The following CMTR1 variants were observed in gnomAD, a reference collection of about 807,000 sequenced individuals.
The protein encoded by CMTR1 is cap-specific mRNA (nucleoside-2'-O-)-methyltransferase 1.
A neutral mutation model predicts 107.0 loss-of-function variants in CMTR1; 39 were observed. That is an observed-to-expected ratio of 0.36 (90% confidence interval 0.28 to 0.48). The LOEUF (loss-of-function observed/expected upper bound fraction) is 0.48, where lower values mean the gene tolerates loss of function less well. Among genes scored for constraint, CMTR1 ranks in the 20% least tolerant of loss-of-function variants. The probability of loss-of-function intolerance (pLI) is 0.99; values close to 1 mark genes in which losing one functional copy is unlikely to be tolerated. For synonymous variants in CMTR1, 366 were observed against 379.5 expected, an observed-to-expected ratio of 0.96 and a Z score of 0.41; for missense variants, 672 against 1,064.9, an observed-to-expected ratio of 0.63 and a Z score of 5.14.
intron 13 of CMTR1, among the ~76,000 whole-genome samples, chr6:37,467,823 A>G (rs184437730): frequency 2.7e-5 from 4 of 150,458 alleles, no homozygotes; most frequent in African/African-American, 7.3e-5. Flanking sequence ...TTGTCCTTCT[A>G]CCTTTGTCTT....
intron 8 of CMTR1, among the ~76,000 whole-genome samples, chr6:37,453,633 G>A (rs999748558): frequency 3.5e-5 from 3 of 86,788 alleles, no homozygotes; most frequent in African/African-American, 2.0e-4. Flanking sequence ...GCTGTTTCTG[G>A]TAATGAGAGG....
intron 21 of CMTR1, among the ~76,000 whole-genome samples, chr6:37,478,074 T>C (rs1761774977): frequency 6.6e-6 from 1 of 152,188 alleles, no homozygotes; most frequent in African/African-American, 2.4e-5. Flanking sequence ...CTGGGTGTGC[T>C]TATGTAGAGG....
the CMTR1 span, among the ~76,000 whole-genome samples, chr6:37,425,135 G>C: frequency 6.6e-6 from 1 of 150,934 alleles, no homozygotes; most frequent in Non-Finnish European, 1.5e-5. Flanking sequence ...GTAGAGATGG[G>C]ATTTCACCAT....
chr6:37,463,258 C>G (rs1273844847), intron 13 of CMTR1, among the ~76,000 whole-genome samples: 3 of 152,152 alleles, frequency 2.0e-5, no homozygotes, highest in African/African-American at 7.2e-5. Context: ...CCTGCAGGAG[C>G]CTGTGTATAA....
chr6:37,457,743 G>A (rs1043312356), intron 8 of CMTR1, among the ~76,000 whole-genome samples: 2 of 152,174 alleles, frequency 1.3e-5, no homozygotes. Context: ...GAGCCAAGGA[G>A]GAAGGGGAGA....
intron 8 of CMTR1, among the ~76,000 whole-genome samples, chr6:37,453,894 A>G (rs958100450): frequency 6.6e-6 from 1 of 152,204 alleles, no homozygotes; most frequent in Non-Finnish European, 1.5e-5. Flanking sequence ...AAGGCTCTTA[A>G]GATTTGTCCC....
intron 8 of CMTR1, among the ~76,000 whole-genome samples, chr6:37,457,228 A>C (rs1240441634): frequency 2.0e-5 from 3 of 152,020 alleles, no homozygotes; most frequent in East Asian, 1.9e-4. Flanking sequence ...AAAAAAAAAA[A>C]AAACAAAAAA....
chr6:37,439,997 A>T (rs1416895047), intron 2 of CMTR1, among the ~76,000 whole-genome samples: 1 of 152,158 alleles, frequency 6.6e-6, no homozygotes, highest in Non-Finnish European at 1.5e-5. Flanking sequence ...CTGTATTGCC[A>T]TGTGAAAAAT....
chr6:37,446,435 C>CG lies in CMTR1; in HGVS notation c.431dup (p.Asp145ArgfsTer2), dbSNP rs761529148. 1.2e-6 allele frequency: 2 copies of CG among 1,612,920 alleles called. No individual in the cohort carries two copies. ...TGACCAGGAGCTGAACGTGGACTGG[C>CG]GAGATGAGCCAGAGGTAAGTGTTAA... is the stretch of plus-strand genomic sequence containing the variant. On this transcript the variant is annotated frameshift_variant, in exon 4 of 24. Transcript: ENST00000373451. LOFTEE classifies it high-confidence loss of function.
intron 8 of CMTR1, among the ~76,000 whole-genome samples, chr6:37,456,823 G>A (rs189923354): frequency 2.6e-4 from 40 of 152,314 alleles, no homozygotes; most frequent in African/African-American, 8.9e-4. Context: ...GAATTTCACT[G>A]TCTAGGGCTC....
intron 11 of CMTR1, 84 bp downstream of exon 11, chr6:37,461,729 G>T: frequency 9.9e-7 from 1 of 1,012,820 alleles, no homozygotes. Flanking sequence ...GGTTGGTGGG[G>T]AAGTTAAAAA....
chr6:37,478,144 C>G (rs1467688280), intron 21 of CMTR1, among the ~76,000 whole-genome samples: 1 of 152,088 alleles, frequency 6.6e-6, no homozygotes, highest in Admixed American at 6.5e-5. Context: ...TCAGATCTCA[C>G]CCTTACTGGT....
chr6:37,438,057 A>C (rs1040036627), intron 2 of CMTR1, among the ~76,000 whole-genome samples: 2 of 152,238 alleles, frequency 1.3e-5, no homozygotes, highest in African/African-American at 4.8e-5. Context: ...TGACTCAGTC[A>C]GGATTGACTA....
rs369243162 is a variant in CMTR1 at position 37,435,606 on chromosome 6, C to G, written c.-6-18C>G. On this transcript the variant is annotated intron_variant, in intron 1 of 23. Coordinates refer to ENST00000373451, the MANE Select transcript of CMTR1 (RefSeq NM_015050.3). ...CTGTGACCCAAGGGCAGCTGACTGA[C>G]TGGATTTATGGTTACAGTTAACGAT... The G allele has an allele frequency of 1.3e-5, 21 of 1,587,088 alleles. No homozygotes were observed. The highest frequency in any genetic ancestry group is 8.2e-5 in the African/African-American group (6 of 73,086).
chr6:37,471,029 G>A lies in CMTR1; in HGVS notation c.1514G>A (p.Ser505Asn). 27 of 1,604,312 alleles carry A rather than the reference G, an allele frequency of 1.7e-5. No individual in the cohort carries two copies. The highest frequency in any genetic ancestry group is 2.3e-5 in the Non-Finnish European group (27 of 1,176,308). ...ATTTTTTTTTCTTCTAGCCACTGTA[G>A]TCTGCAGATCAAAGCTCTGGCGAAA... ...YMIRSNESHC[S>N]LQIKALAKIH... The change falls in exon 14 of 24, where the codon AGT becomes AAT. Residue 505 changes from serine to asparagine, a missense_variant. Physicochemically the swap from Ser to Asn is conservative, Grantham distance 46 (BLOSUM62 1). Coordinates refer to ENST00000373451, the MANE Select transcript of CMTR1 (RefSeq NM_015050.3).
chr6:37,474,968 T>C (rs983710861), intron 18 of CMTR1, among the ~76,000 whole-genome samples: 1 of 152,200 alleles, frequency 6.6e-6, no homozygotes, highest in Admixed American at 6.5e-5. Context: ...AAGAGACTTG[T>C]TTCTCAGGAG....
At chr6:37,471,814 G>T in intron 14 of CMTR1, 33 bp from the exon 15 acceptor site, 1 of 1,611,824 alleles carries the variant, frequency 6.2e-7, no homozygotes, top group Non-Finnish European at 8.5e-7. Flanking sequence ...GCCTCTTAGA[G>T]ATTTTAATCA....
At chr6:37,444,660 C>A (rs1771745518) in intron 3 of CMTR1, among the ~76,000 whole-genome samples, 1 of 152,210 alleles carries the variant, frequency 6.6e-6, no homozygotes, top group East Asian at 1.9e-4. Flanking sequence ...ACTAGGAAGA[C>A]CTGCTCATAT....
rs773170581 is a variant in CMTR1, at chr6:37,478,394, T to C, written c.2154-15T>C. 3 of 1,606,644 alleles carry C rather than the reference T, an allele frequency of 1.9e-6. No homozygotes were observed. The South Asian group carries it at 3.3e-5, about 18-fold the overall frequency. ...CCTTTTCTCTCTCATGCACGTACCT[T>C]CTCGGGGAAATCAGGTTGGAGATGA... On this transcript the variant is annotated splice_polypyrimidine_tract_variant and intron_variant, in intron 21 of 23. Coordinates refer to ENST00000373451, the MANE Select transcript of CMTR1 (RefSeq NM_015050.3).
Sources: allele counts gnomAD v4.1 joint callset (sites outside exome capture counted in the v4.1 genomes callset), GRCh38; gene constraint gnomAD v4.1.1; transcripts MANE v1.5; gene names NCBI Gene and HGNC (gene_info 2026-07-23, HGNC 2026-07-21).